ZNF345: variants seen among roughly 807,000 people sequenced by gnomAD.
ZNF345 encodes zinc finger protein 345, also known as zinc finger protein HZF10.
For missense variants in ZNF345, 527 were observed against 589.9 expected (o/e 0.89, Z 1.10); for synonymous variants, 166 against 187.9 (o/e 0.88, Z 0.95).
chr19:36,861,036 T>C (rs946733949), intron 2 of ZNF345, among the ~76,000 whole-genome samples: 3 of 152,296 alleles, frequency 2.0e-5, no homozygotes, highest in African/African-American at 4.8e-5. Flanking sequence ...CTCCCACTTA[T>C]TCGTTTATGT....
At chr19:36,854,791 A>G (rs552904739) in intron 2 of ZNF345, among the ~76,000 whole-genome samples, 1 of 151,908 alleles carries the variant, frequency 6.6e-6, no homozygotes, top group South Asian at 2.1e-4. Flanking sequence ...ATCTGGTACA[A>G]TCAAGCCTGC....
At chr19:36,852,459 A>T (rs2072301305) in intron 2 of ZNF345, among the ~76,000 whole-genome samples, 1 of 152,036 alleles carries the variant, frequency 6.6e-6, no homozygotes, top group East Asian at 1.9e-4. Flanking sequence ...AAAAACACAA[A>T]AATTAGCTGG....
chr19:36,878,423 ATATT>A lies in ZNF345; in HGVS notation c.*130_*133del. On this transcript the variant is annotated 3_prime_UTR_variant, in exon 3 of 3. Coordinates refer to ENST00000420450, the MANE Select transcript of ZNF345 (RefSeq NM_001242472.2). ...GCTTCACAGGTTAGTCAGTCTAAGA[ATATT>A]TATACAGGAAAAAAATCACCCCAAA... 5.3e-6 allele frequency: 4 copies of A among 754,736 alleles called. No homozygotes were observed. The highest frequency in any genetic ancestry group is 5.9e-6 in the Non-Finnish European group (3 of 509,618). 46.8% of individuals were successfully genotyped at this position (754,736 alleles called of 1,614,324 possible). A position where few individuals can be genotyped will look rare whatever the true frequency, so the allele number is the denominator to read the frequency against.
intron 2 of ZNF345, among the ~76,000 whole-genome samples, chr19:36,868,155 A>G (rs913859159): frequency 3.3e-5 from 5 of 152,040 alleles, no homozygotes; most frequent in African/African-American, 1.2e-4. Context: ...GGTGCGTGCC[A>G]CCACGCCCAG....
At position 36,871,914 on chromosome 19, in the gene ZNF345, T is replaced by C. The variant is rs543935828; in HGVS notation, c.-46-4871T>C. Among the ~76,000 whole-genome samples, 3 of 152,022 alleles carry C rather than the reference T, an allele frequency of 2.0e-5. No individual in the cohort carries two copies. In the South Asian group the frequency reaches 6.2e-4, roughly 31 times the overall value. ...TCCCTAGTAGCTGGGATTACAGGCA[T>C]GTGCCACTGCACCCGGCTAATTTTG... is the stretch of plus-strand genomic sequence containing the variant. On this transcript the variant is annotated intron_variant, in intron 2 of 2. Coordinates refer to ENST00000420450, the MANE Select transcript of ZNF345 (RefSeq NM_001242472.2).
rs1474207964 is a variant in ZNF345, at chr19:36,877,459, C to T, written c.629C>T (p.Ala210Val). 6.2e-7 allele frequency: 1 copy of T among 1,613,824 alleles called. No homozygotes were observed. The highest frequency in any genetic ancestry group is 8.5e-7 in the Non-Finnish European group (1 of 1,179,942). ...KPYECIDCGK[A>V]FGSGSNLTQH... ...TATGAATGTATAGATTGTGGTAAAGCCTTTGGCAGTGGTTCAAACCTTACT... is the reference window on the plus strand; with the variant it reads ...TATGAATGTATAGATTGTGGTAAAGTCTTTGGCAGTGGTTCAAACCTTACT... Residue 210 changes from alanine to valine, a missense_variant, in exon 3 of 3, where the codon GCC becomes GTC. By Grantham distance (64) the Ala-to-Val change is moderately conservative. Coordinates refer to ENST00000420450, the MANE Select transcript of ZNF345 (RefSeq NM_001242472.2).
chr19:36,878,454 AAAAT>A lies in ZNF345; in HGVS notation c.*163_*166del. 1 of 540,300 alleles carries A rather than the reference AAAAT, an allele frequency of 1.9e-6. No homozygotes were observed. Among genetic ancestry groups the A allele is most frequent in the Non-Finnish European group, 3.0e-6 (1 of 328,382 alleles). The allele number at this position is 540,300 out of a possible 1,614,324, so 33.5% of individuals were successfully genotyped here. On this transcript the variant is annotated 3_prime_UTR_variant, in exon 3 of 3. Transcript: ENST00000420450. ...ATACAGGAAAAAAATCACCCCAAATAAAATAAATATTTGAAGATCCTTATCTATA... is the reference window on the plus strand; with the variant it reads ...ATACAGGAAAAAAATCACCCCAAATAAAATATTTGAAGATCCTTATCTATA...
At chr19:36,881,459 A>G (rs79655094), downstream of ZNF345, among the ~76,000 whole-genome samples, 846 of 152,310 alleles carry the variant, frequency 5.6e-3, 21 homozygotes, top group Admixed American at 0.038. Flanking sequence ...TGGGTATTAT[A>G]TAAGGGATAT....
At chr19:36,883,710 GT>G (rs1273587876), downstream of ZNF345, among the ~76,000 whole-genome samples, 4 of 152,108 alleles carry the variant, frequency 2.6e-5, no homozygotes, top group Non-Finnish European at 5.9e-5. Context: ...AAGCTTACAT[GT>G]TTTTCCACTT....
intron 3 of ZNF345, chr19:36,892,082 C>T (rs1600727494): frequency 6.2e-7 from 1 of 1,614,002 alleles, no homozygotes; most frequent in Non-Finnish European, 8.5e-7. Context: ...TAGGGTTTCT[C>T]ACCAGTGTGA....
intron 2 of ZNF345, among the ~76,000 whole-genome samples, chr19:36,868,223 C>T (rs2072701701): frequency 1.3e-5 from 2 of 152,094 alleles, no homozygotes; most frequent in African/African-American, 4.8e-5. Flanking sequence ...AAGCTAGTCT[C>T]AAACTCCTGA....
In ZNF345 at chr19:36,877,972, G is replaced by T. The variant is rs768258870; in HGVS notation, c.1142G>T (p.Ser381Ile). ...AAGGAATGTGGGAAGGCCTTTGGTA[G>T]TGGCTCAAAACTTATCCAACACCAG... Reference protein sequence around the residue: ...ECKECGKAFGSGSKLIQHQLI... With the variant: ...ECKECGKAFGIGSKLIQHQLI... Residue 381 changes from serine (S) to isoleucine (I), a missense_variant, in exon 3 of 3, where the codon AGT (serine) becomes ATT (isoleucine). Ser to Ile is a moderately radical substitution (Grantham distance 142). Coordinates refer to ENST00000420450, the MANE Select transcript of ZNF345 (RefSeq NM_001242472.2). 1.9e-6 allele frequency: 3 copies of T among 1,614,032 alleles called. No individual in the cohort carries two copies. Among genetic ancestry groups the T allele is most frequent in the Non-Finnish European group, 2.5e-6 (3 of 1,179,906 alleles).
At chr19:36,863,255 C>A (rs942683684) in intron 2 of ZNF345, among the ~76,000 whole-genome samples, 5 of 152,168 alleles carry the variant, frequency 3.3e-5, no homozygotes, top group Non-Finnish European at 7.3e-5. Flanking sequence ...CATTTCCTTA[C>A]TTCCTGGAAT....
At chr19:36,856,848 T>G (rs1260686092) in intron 2 of ZNF345, among the ~76,000 whole-genome samples, 2 of 124,750 alleles carry the variant, frequency 1.6e-5, no homozygotes, top group African/African-American at 5.7e-5. Context: ...AGACTCCGTC[T>G]CAAAAAAAAA....
Position 36,852,408 on chromosome 19 carries a change from C to T in ZNF345, c.-47+504C>T, listed in dbSNP as rs545336475. Among the ~76,000 whole-genome samples the T allele has an allele frequency of 2.0e-5, 3 of 152,058 alleles. No individual in the cohort carries two copies. The East Asian group carries it at 5.8e-4, about 29-fold the overall frequency. ...CGGGCGGATCACGAGGTCAAGAGATCAAGATCATCCTGGCCAACATGAGGA... is the reference window on the plus strand; with the variant it reads ...CGGGCGGATCACGAGGTCAAGAGATTAAGATCATCCTGGCCAACATGAGGA... On this transcript the variant is annotated intron_variant, in intron 2 of 2. Transcript: ENST00000420450.
intron 2 of ZNF345, among the ~76,000 whole-genome samples, chr19:36,864,676 G>A (rs1445448835): frequency 2.0e-5 from 3 of 152,240 alleles, no homozygotes; most frequent in Non-Finnish European, 2.9e-5. Context: ...AAAGGGCTGG[G>A]ACTAAGATGA....
At chr19:36,854,211 A>G (rs559364055) in intron 2 of ZNF345, among the ~76,000 whole-genome samples, 1 of 150,556 alleles carries the variant, frequency 6.6e-6, no homozygotes, top group East Asian at 2.0e-4. Flanking sequence ...GATCAATCAT[A>G]GTGATAATTT....
intron 3 of ZNF345, among the ~76,000 whole-genome samples, chr19:36,887,361 T>C (rs1214439614): frequency 6.6e-6 from 1 of 152,220 alleles, no homozygotes; most frequent in Non-Finnish European, 1.5e-5. Context: ...AAGCTTTAGC[T>C]AATAATAATG....
rs139360979 is a variant in ZNF345, at chr19:36,878,429, A to T, written c.*132A>T. 4.2e-6 allele frequency: 3 copies of T among 711,962 alleles called. No homozygotes were observed. The East Asian group carries it at 9.0e-5, about 21-fold the overall frequency. 44.1% of individuals were successfully genotyped at this position (711,962 alleles called of 1,614,324 possible). On this transcript the variant is annotated 3_prime_UTR_variant, in exon 3 of 3. Transcript: ENST00000420450. Reference sequence around the variant, plus strand: ...CAGGTTAGTCAGTCTAAGAATATTTATACAGGAAAAAAATCACCCCAAATA... The same window carrying T: ...CAGGTTAGTCAGTCTAAGAATATTTTTACAGGAAAAAAATCACCCCAAATA...
Sources: allele counts gnomAD v4.1 joint callset (sites outside exome capture counted in the v4.1 genomes callset), GRCh38; gene constraint gnomAD v4.1.1; transcripts MANE v1.5; gene names NCBI Gene and HGNC (gene_info 2026-07-23, HGNC 2026-07-21).